The following MTMR7 variants were observed in gnomAD, a reference collection of about 807,000 sequenced individuals.
MTMR7 encodes myotubularin related protein 7, also known as phosphatidylinositol-3-phosphate phosphatase MTMR7.
MTMR7 carries 76 observed loss-of-function variants against 81.2 expected under a neutral mutation model. That is an observed-to-expected ratio of 0.94 (90% CI 0.78 to 1.13). The LOEUF is 1.13. Among genes scored for constraint, MTMR7 ranks in the 50% most tolerant of loss-of-function variants. MTMR7 has a pLI of 0.00. For synonymous variants in MTMR7, 372 were observed against 289.8 expected, an observed-to-expected ratio of 1.28 and a Z score of -2.88; for missense variants, 1,044 against 820.0, an observed-to-expected ratio of 1.27 and a Z score of -3.34.
intron 10 of MTMR7, 149 bp from the exon 11 acceptor site, chr8:17,306,106 A>C (rs566249139): frequency 1.5e-6 from 1 of 672,266 alleles, no homozygotes; most frequent in African/African-American, 1.8e-5. Context: ...AGAAAAGTTA[A>C]GATTTTAAAT....
chr8:17,382,597 T>C (rs750172232), intron 1 of MTMR7, among the ~76,000 whole-genome samples: 9 of 152,344 alleles, frequency 5.9e-5, no homozygotes, highest in Non-Finnish European at 1.0e-4. Context: ...CTTTTTGCAA[T>C]CTTTAATGTT....
chr8:17,366,860 T>G lies in MTMR7; in HGVS notation c.310+4177A>C, dbSNP rs376177470. Among the ~76,000 whole-genome samples, 71 of 127,798 alleles carry G rather than the reference T, an allele frequency of 5.6e-4. No homozygotes were observed. In the South Asian group the frequency reaches 0.014, roughly 26 times the overall value. The allele number at this position is 127,798 out of a possible 152,430, so 83.8% of individuals were successfully genotyped here. ...GAGATCGAGCCACTGCACTCCAGCC[T>G]GGATGACAGAGCGAGACTCCATCTC... On this transcript the variant is annotated intron_variant, in intron 3 of 13. Transcript: ENST00000180173.
intron 7 of MTMR7, among the ~76,000 whole-genome samples, chr8:17,317,678 A>G (rs576762032): frequency 3.3e-5 from 5 of 152,306 alleles, no homozygotes; most frequent in African/African-American, 1.2e-4. Context: ...TTCTCGTGCA[A>G]ACATTCGGCT....
At chr8:17,378,080 G>A (rs1185182575) in intron 1 of MTMR7, among the ~76,000 whole-genome samples, 1 of 152,130 alleles carries the variant, frequency 6.6e-6, no homozygotes, top group Non-Finnish European at 1.5e-5. Context: ...CAGATGTTGA[G>A]AGATTAGAAT....
intron 1 of MTMR7, among the ~76,000 whole-genome samples, chr8:17,401,205 T>C (rs969512669): frequency 6.6e-6 from 1 of 152,178 alleles, no homozygotes; most frequent in Admixed American, 6.5e-5. Flanking sequence ...TGAGTTAGGA[T>C]TGTTATTTTA....
chr8:17,360,417 A>C (rs1820022753), intron 4 of MTMR7, among the ~76,000 whole-genome samples: 1 of 152,034 alleles, frequency 6.6e-6, no homozygotes, highest in Non-Finnish European at 1.5e-5. Flanking sequence ...CAGATGAGAA[A>C]ACAACTGAAG....
intron 4 of MTMR7, among the ~76,000 whole-genome samples, chr8:17,357,281 T>C (rs1819924300): frequency 6.6e-6 from 1 of 152,234 alleles, no homozygotes. Context: ...ACAGAACTAA[T>C]ATTTGCTAAC....
At chr8:17,333,256 T>C (rs978440294) in intron 6 of MTMR7, among the ~76,000 whole-genome samples, 8 of 152,170 alleles carry the variant, frequency 5.3e-5, no homozygotes, top group African/African-American at 1.9e-4. Flanking sequence ...AATATTAAAA[T>C]AATGCATTTT....
intron 1 of MTMR7, among the ~76,000 whole-genome samples, chr8:17,399,726 A>G (rs1821365643): frequency 1.3e-5 from 2 of 152,322 alleles, no homozygotes; most frequent in South Asian, 2.1e-4. Flanking sequence ...AAAGGAAATC[A>G]GTATGGCCAA....
intron 6 of MTMR7, among the ~76,000 whole-genome samples, chr8:17,333,858 TCTC>T (rs1206920918): frequency 2.0e-5 from 3 of 151,452 alleles, no homozygotes; most frequent in Admixed American, 1.3e-4. Context: ...TACTGATCAT[TCTC>T]CTCCTTCACC....
chr8:17,302,424 G>T, intron 12 of MTMR7, 144 bp from the exon 13 acceptor site: 2 of 828,384 alleles, frequency 2.4e-6, no homozygotes, highest in Non-Finnish European at 1.8e-6. Flanking sequence ...ACTACTTAAG[G>T]TAATAATTTC....
chr8:17,302,991 G>A lies in MTMR7; in HGVS notation c.1494-711C>T, dbSNP rs964682264. Among the ~76,000 whole-genome samples the A allele has an allele frequency of 3.3e-5, 5 of 152,040 alleles. No individual in the cohort carries two copies. The East Asian group carries it at 5.8e-4, about 18-fold the overall frequency. ...CTCCCAAAGTGCTGGGATTATAGGC[G>A]GGAGCCACCACGCCTGACCAATAAA... On this transcript the variant is annotated intron_variant, in intron 12 of 13. Transcript: ENST00000180173.
At chr8:17,360,578 G>C (rs75935773) in intron 4 of MTMR7, among the ~76,000 whole-genome samples, 2,105 of 151,728 alleles carry the variant, frequency 0.014, 48 homozygotes, top group East Asian at 0.074. Flanking sequence ...TGATCTGTAA[G>C]CCTGTCATTA....
rs995635084 is a variant in MTMR7, at chr8:17,386,174, G to C, written c.25-12934C>G. 3.5e-4 allele frequency among the ~76,000 whole-genome samples: 54 copies of C among 152,142 alleles called. 1 individual carries two copies. Among genetic ancestry groups the C allele is most frequent in the South Asian group, 2.1e-4 (1 of 4,810 alleles). ...GAGGACTGCTTGAGCCCAGGAGTTA[G>C]AGACCAGTCCAGATCATGCAGTGAG... is the stretch of plus-strand genomic sequence containing the variant. On this transcript the variant is annotated intron_variant, in intron 1 of 13. Transcript: ENST00000180173.
intron 1 of MTMR7, among the ~76,000 whole-genome samples, chr8:17,411,092 T>G (rs1270676211): frequency 6.6e-6 from 1 of 152,234 alleles, no homozygotes; most frequent in Non-Finnish European, 1.5e-5. Flanking sequence ...TGTTCTCTTT[T>G]TCATTTAGAC....
At chr8:17,375,372 A>G (rs1286547918) in intron 1 of MTMR7, among the ~76,000 whole-genome samples, 1 of 152,118 alleles carries the variant, frequency 6.6e-6, no homozygotes, top group Non-Finnish European at 1.5e-5. Context: ...AAATATCTGT[A>G]CTTATACAAT....
At position 17,371,154 on chromosome 8, in the gene MTMR7, C is replaced by A. The variant is rs371304992; in HGVS notation, c.193G>T (p.Ala65Ser). The part of the protein sequence containing the change: ...ISTIEKQATT[A>S]TGCPLLIRCK... The stretch of plus-strand genomic sequence containing the variant: ...CGAATCAGCAGAGGGCATCCGGTAG[C>A]GGTTGTTGCCTGTTTCTCAATGGTG... Residue 65 changes from alanine to serine, a missense_variant, in exon 3 of 14, where the codon GCT becomes TCT. Transcript: ENST00000180173. 27 of 1,614,004 alleles carry A rather than the reference C, an allele frequency of 1.7e-5. No individual in the cohort carries two copies. The highest frequency in any genetic ancestry group is 2.0e-5 in the Non-Finnish European group (24 of 1,180,028).
Position 17,305,700 on chromosome 8 carries a change from C to T in MTMR7, c.1352+57G>A, listed in dbSNP as rs942704215. ...AAATTATGAAAGGCCACCTAAAATT[C>T]TCAGTCATCAAAATCTTTAAATAAA... is the stretch of plus-strand genomic sequence containing the variant. On this transcript the variant is annotated intron_variant, in intron 11 of 13. Transcript: ENST00000180173. 11 of 1,464,478 alleles carry T rather than the reference C, an allele frequency of 7.5e-6. No homozygotes were observed. The African/African-American group carries it at 1.4e-4, about 19-fold the overall frequency. The allele number at this position is 1,464,478 out of a possible 1,614,324, so 90.7% of individuals were successfully genotyped here. A position where few individuals can be genotyped will look rare whatever the true frequency, so the allele number is the denominator to read the frequency against.
At chr8:17,302,716 C>A (rs1324405336) in intron 12 of MTMR7, among the ~76,000 whole-genome samples, 1 of 79,314 alleles carries the variant, frequency 1.3e-5, no homozygotes, top group African/African-American at 3.8e-5. Flanking sequence ...CCCCCCCCCC[C>A]GCTTTTTTTT....
Sources: allele counts gnomAD v4.1 joint callset (sites outside exome capture counted in the v4.1 genomes callset), GRCh38; gene constraint gnomAD v4.1.1; transcripts MANE v1.5; gene names NCBI Gene and HGNC (gene_info 2026-07-23, HGNC 2026-07-21).